The following TRMT9B variants were observed in gnomAD, a reference collection of about 807,000 sequenced individuals.
TRMT9B encodes tRNA methyltransferase 9B (putative).
In TRMT9B, 16 loss-of-function variants were observed where a neutral mutation model predicts 11.5. The ratio of observed to expected loss-of-function variants is 1.39; its 90% CI spans 0.94 to 2.11. TRMT9B has a LOEUF of 2.11. TRMT9B is among the 30% of genes most tolerant of loss of function. TRMT9B has a pLI of 0.00. For synonymous variants in TRMT9B, 274 were observed against 192.4 expected (o/e 1.42, Z -3.51); for missense variants, 941 against 553.8 (o/e 1.70, Z -7.02).
chr8:12,967,677 T>C lies in TRMT9B; in HGVS notation c.-200+21711T>C, dbSNP rs112775622. ...TCAATTTTTCTTTTTAAGTGAGTAG[T>C]CACTTCCATAGTAGAATTACTCATC... On this transcript the variant is annotated intron_variant, in intron 1 of 4. Transcript: ENST00000524591. 3.9e-3 allele frequency among the ~76,000 whole-genome samples: 594 copies of C among 152,270 alleles called. 3 individuals carry two copies. The highest frequency in any genetic ancestry group is 0.013 in the African/African-American group (548 of 41,556).
intron 1 of TRMT9B, among the ~76,000 whole-genome samples, chr8:12,965,475 C>T (rs1802686554): frequency 6.6e-6 from 1 of 152,172 alleles, no homozygotes; most frequent in South Asian, 2.1e-4. Flanking sequence ...CATCCGGATC[C>T]CCGTCCAGAA....
intron 1 of TRMT9B, among the ~76,000 whole-genome samples, chr8:12,983,662 G>A (rs937384952): frequency 1.3e-4 from 20 of 152,004 alleles, no homozygotes; most frequent in Admixed American, 3.9e-4. Flanking sequence ...AGAGCAAGAC[G>A]CCGTCTCAAA....
intron 3 of TRMT9B, chr8:13,010,875 A>G (rs1811460975): frequency 2.1e-6 from 2 of 971,308 alleles, no homozygotes; most frequent in Admixed American, 6.2e-5. Flanking sequence ...AACAGAGGGT[A>G]CTTTTTCTCA....
intron 2 of TRMT9B, among the ~76,000 whole-genome samples, chr8:12,991,934 AAAC>A (rs956159528): frequency 5.9e-5 from 9 of 152,176 alleles, no homozygotes; most frequent in Non-Finnish European, 1.5e-5. Context: ...TCTGTCTCAA[AAAC>A]AACAACAACA....
In TRMT9B at chr8:13,021,804, A is replaced by T. The variant is rs1361324624; in HGVS notation, c.1125A>T (p.Ile375=). ...IEDDNPSASK[I]LRRISAVDST... ...ATGATAATCCTTCTGCTAGTAAAATATTGAGAAGGATTTCTGCAGTTGATT... is the reference window on the plus strand; with the variant it reads ...ATGATAATCCTTCTGCTAGTAAAATTTTGAGAAGGATTTCTGCAGTTGATT... The change falls in exon 5 of 5, where the codon ATA becomes ATT. Residue 375 remains isoleucine, a synonymous_variant. Coordinates refer to ENST00000524591, the MANE Select transcript of TRMT9B (RefSeq NM_020844.3). The T allele has an allele frequency of 1.9e-6, 3 of 1,613,682 alleles. No individual in the cohort carries two copies. The highest frequency in any genetic ancestry group is 1.1e-5 in the South Asian group (1 of 91,052).
rs1814777730 is a variant in TRMT9B at position 13,027,097 on chromosome 8, A to G, written c.*5053A>G. On this transcript the variant is annotated 3_prime_UTR_variant, in exon 5 of 5. Coordinates refer to ENST00000524591, the MANE Select transcript of TRMT9B (RefSeq NM_020844.3). The stretch of plus-strand genomic sequence containing the variant: ...GTTTTCCCATTTTATAAGTAAGGCA[A>G]CTGAGGACTATTCAGATATTTCATT... The G allele has an allele frequency of 6.0e-6, 1 of 167,114 alleles. No homozygotes were observed. The highest frequency in any genetic ancestry group is 6.5e-5 in the Admixed American group (1 of 15,278). The allele number at this position is 167,114 out of a possible 1,614,324, so 10.4% of individuals were successfully genotyped here. A position where few individuals can be genotyped will look rare whatever the true frequency, so the allele number is the denominator to read the frequency against.
chr8:12,972,023 C>A (rs1178152190), intron 1 of TRMT9B, among the ~76,000 whole-genome samples: 1 of 152,104 alleles, frequency 6.6e-6, no homozygotes, highest in Non-Finnish European at 1.5e-5. Context: ...TCATGTTTTG[C>A]ACAATAGCGC....
intron 2 of TRMT9B, 84 bp from the exon 3 acceptor site, chr8:13,006,118 A>G (rs1810408437): frequency 3.6e-6 from 5 of 1,371,514 alleles, no homozygotes; most frequent in Non-Finnish European, 5.0e-6. Context: ...TAGGCTCCAG[A>G]TTTTAGGAAA....
At chr8:13,016,936 C>A (rs1264807188) in intron 4 of TRMT9B, among the ~76,000 whole-genome samples, 1 of 150,442 alleles carries the variant, frequency 6.6e-6, no homozygotes, top group Admixed American at 6.7e-5. Context: ...ACCAGCCTGG[C>A]CAATATGGTG....
chr8:12,963,350 T>C (rs1802388632), intron 1 of TRMT9B, among the ~76,000 whole-genome samples: 1 of 152,140 alleles, frequency 6.6e-6, no homozygotes, highest in Non-Finnish European at 1.5e-5. Context: ...GGAGAATTGC[T>C]TGAACCTGGG....
rs990388571 is a variant in TRMT9B at position 12,990,963 on chromosome 8, C to A, written c.-70C>A. 5.4e-6 allele frequency: 7 copies of A among 1,288,506 alleles called. No homozygotes were observed. In the African/African-American group the frequency reaches 1.1e-4, roughly 20 times the overall value. 79.8% of individuals were successfully genotyped at this position (1,288,506 alleles called of 1,614,324 possible). A position where few individuals can be genotyped will look rare whatever the true frequency, so the allele number is the denominator to read the frequency against. On this transcript the variant is annotated 5_prime_UTR_variant, in exon 2 of 5. It adds an upstream start codon to the 5' untranslated region. Coordinates refer to ENST00000524591, the MANE Select transcript of TRMT9B (RefSeq NM_020844.3). ...AGTTATGAGAAGCAACTGTCACTCT[C>A]TGGAGGTGGAGACTGCCGTGATTCA... is the stretch of plus-strand genomic sequence containing the variant.
intron 4 of TRMT9B, among the ~76,000 whole-genome samples, chr8:13,015,087 A>G (rs1043969328): frequency 2.0e-5 from 3 of 151,104 alleles, no homozygotes; most frequent in African/African-American, 7.3e-5. Flanking sequence ...ATAAATAAAT[A>G]AATAAATAAA....
chr8:12,970,262 C>T (rs1018240601), intron 1 of TRMT9B: 1 of 152,244 alleles, frequency 6.6e-6, no homozygotes, highest in African/African-American at 2.4e-5. Flanking sequence ...TGCCTTCCTT[C>T]ACTGTCCATG....
At chr8:12,999,069 G>T (rs1021517634) in intron 2 of TRMT9B, among the ~76,000 whole-genome samples, 5 of 152,090 alleles carry the variant, frequency 3.3e-5, no homozygotes, top group Non-Finnish European at 5.9e-5. Flanking sequence ...GGTAGGCCAA[G>T]GCAGGTGGAT....
intron 1 of TRMT9B, among the ~76,000 whole-genome samples, chr8:12,987,142 A>G (rs1322119386): frequency 6.6e-6 from 1 of 152,164 alleles, no homozygotes; most frequent in African/African-American, 2.4e-5. Context: ...GCTAGGGTCA[A>G]ATTATCTGGG....
intron 4 of TRMT9B, among the ~76,000 whole-genome samples, chr8:13,014,154 C>T (rs530260004): frequency 1.3e-5 from 2 of 152,100 alleles, no homozygotes; most frequent in Non-Finnish European, 2.9e-5. Context: ...AAGCCATAAC[C>T]TTGGAACTAG....
intron 1 of TRMT9B, among the ~76,000 whole-genome samples, chr8:12,954,716 T>G (rs1437902038): frequency 6.6e-6 from 1 of 152,224 alleles, no homozygotes; most frequent in Non-Finnish European, 1.5e-5. Flanking sequence ...TCCTTCAGCT[T>G]TTGTGACTCA....
chr8:13,003,485 C>T (rs1003772743), intron 2 of TRMT9B, among the ~76,000 whole-genome samples: 1 of 152,012 alleles, frequency 6.6e-6, no homozygotes, highest in East Asian at 1.9e-4. Flanking sequence ...AGAATTTAGC[C>T]AGGTAAAGCA....
chr8:12,991,833 G>C (rs1465689313), intron 2 of TRMT9B, among the ~76,000 whole-genome samples: 2 of 152,018 alleles, frequency 1.3e-5, no homozygotes, highest in Non-Finnish European at 2.9e-5. Flanking sequence ...CGGGAGGCTG[G>C]GTTAGGAGAA....
Sources: allele counts gnomAD v4.1 joint callset (sites outside exome capture counted in the v4.1 genomes callset), GRCh38; gene constraint gnomAD v4.1.1; transcripts MANE v1.5; gene names NCBI Gene and HGNC (gene_info 2026-07-23, HGNC 2026-07-21).